NRXN1: variants seen among roughly 807,000 people sequenced by gnomAD.
NRXN1 encodes neurexin-1.
Under a neutral mutation model 150.9 loss-of-function variants are expected in NRXN1, and 39 were observed. The observed-to-expected ratio is 0.26, with a 90% CI of 0.20 to 0.34. The LOEUF is 0.34. NRXN1 is among the 10% of genes least tolerant of loss of function. NRXN1 has a pLI of 1.00. For synonymous variants in NRXN1, 924 were observed against 757.0 expected, an observed-to-expected ratio of 1.22 and a Z score of -3.62; for missense variants, 1,815 against 1,949.9, an observed-to-expected ratio of 0.93 and a Z score of 1.30.
chr2:50,808,636 C>T (rs192858266), intron 5 of NRXN1, among the ~76,000 whole-genome samples: 14 of 152,202 alleles, frequency 9.2e-5, no homozygotes, highest in African/African-American at 3.4e-4. Flanking sequence ...ACAATCTAAG[C>T]ATAGTGTTTT....
intron 17 of NRXN1, among the ~76,000 whole-genome samples, chr2:50,438,203 A>G (rs536238153): frequency 6.6e-6 from 1 of 152,302 alleles, no homozygotes; most frequent in East Asian, 1.9e-4. Flanking sequence ...TAGGATCAAA[A>G]ACTCTTCTCC....
At chr2:50,075,802 A>G (rs2152676354) in intron 19 of NRXN1, among the ~76,000 whole-genome samples, 1 of 151,380 alleles carries the variant, frequency 6.6e-6, no homozygotes, top group South Asian at 2.1e-4. Context: ...CAAAGGAAAA[A>G]AAAAACAGCT....
chr2:50,534,761 TA>T (rs2093210796), intron 10 of NRXN1, among the ~76,000 whole-genome samples: 1 of 152,182 alleles, frequency 6.6e-6, no homozygotes, highest in South Asian at 2.1e-4. Context: ...TCTCTATAAC[TA>T]GGCTCTATTA....
intron 21 of NRXN1, among the ~76,000 whole-genome samples, chr2:50,038,164 A>G (rs1342868382): frequency 1.3e-5 from 2 of 152,214 alleles, no homozygotes; most frequent in Non-Finnish European, 2.9e-5. Flanking sequence ...AAATATACAT[A>G]AAAAATCACA....
At chr2:50,643,193 C>A (rs1684312232) in intron 5 of NRXN1, among the ~76,000 whole-genome samples, 1 of 151,858 alleles carries the variant, frequency 6.6e-6, no homozygotes, top group Non-Finnish European at 1.5e-5. Flanking sequence ...TGTTTAAGAG[C>A]CCTGACTCCA....
intron 5 of NRXN1, among the ~76,000 whole-genome samples, chr2:50,799,507 G>A (rs573361470): frequency 6.6e-6 from 1 of 152,144 alleles, no homozygotes; most frequent in African/African-American, 2.4e-5. Flanking sequence ...CCTAATTACA[G>A]TTGTTCAGCT....
intron 17 of NRXN1, among the ~76,000 whole-genome samples, chr2:50,422,528 C>T (rs1333265540): frequency 2.6e-5 from 4 of 152,130 alleles, no homozygotes; most frequent in Non-Finnish European, 4.4e-5. Context: ...TAATGAACTG[C>T]TTCTCAACTG....
chr2:50,760,257 A>AT (rs1421786478), intron 5 of NRXN1, among the ~76,000 whole-genome samples: 2 of 151,920 alleles, frequency 1.3e-5, no homozygotes, highest in Non-Finnish European at 2.9e-5. Flanking sequence ...TTTCATCAGT[A>AT]TAAGAGTCTA....
At chr2:50,627,357 A>ATGTG (rs34870955) in intron 5 of NRXN1, among the ~76,000 whole-genome samples, 19,662 of 143,406 alleles carry the variant, frequency 0.14, 1,391 homozygotes, top group Non-Finnish European at 0.16. Flanking sequence ...TGGTTCATGT[A>ATGTG]TGTGTGTGTG....
At chr2:50,752,861 T>A (rs1700755268) in intron 5 of NRXN1, among the ~76,000 whole-genome samples, 1 of 151,978 alleles carries the variant, frequency 6.6e-6, no homozygotes, top group Admixed American at 6.6e-5. Flanking sequence ...TTCTCTGCAA[T>A]TTATTTTAAA....
intron 5 of NRXN1, among the ~76,000 whole-genome samples, chr2:50,637,720 A>G (rs1489761405): frequency 1.3e-5 from 2 of 152,196 alleles, no homozygotes; most frequent in African/African-American, 2.4e-5. Context: ...TACTTGTGTT[A>G]GAAGCCAATT....
rs183185563 is a variant in NRXN1, at chr2:50,510,313, C to T, written c.2375-3696G>A. 2.3e-3 allele frequency among the ~76,000 whole-genome samples: 345 copies of T among 151,718 alleles called. 2 individuals carry two copies. The highest frequency in any genetic ancestry group is 3.5e-3 in the South Asian group (17 of 4,810). Reference sequence around the variant, plus strand: ...CCAGCCTGGCCAACAGGGTGAAACCCTCTCTCTACTAAAAATACAAAAAAT... The same window carrying T: ...CCAGCCTGGCCAACAGGGTGAAACCTTCTCTCTACTAAAAATACAAAAAAT... On this transcript the variant is annotated intron_variant, in intron 12 of 22. Transcript: ENST00000401669.
intron 17 of NRXN1, among the ~76,000 whole-genome samples, chr2:50,322,035 A>C (rs1391153345): frequency 2.8e-5 from 1 of 35,168 alleles, no homozygotes; most frequent in Non-Finnish European, 4.6e-5. Flanking sequence ...TTACAACATC[A>C]AAAAAAAAAA....
chr2:50,373,679 A>AAAGAAAGAAAGAAAGAAAGAAAG (rs1553513456), intron 17 of NRXN1, among the ~76,000 whole-genome samples: 13 of 65,668 alleles, frequency 2.0e-4, no homozygotes, highest in African/African-American at 3.6e-4. Flanking sequence ...AGAAAGAAAG[A>AAAGAAAGAAAGAAAGAAAGAAAG]AAAGAAAGAA....
chr2:49,995,110 C>G (rs566585260), intron 21 of NRXN1, among the ~76,000 whole-genome samples: 13 of 152,246 alleles, frequency 8.5e-5, no homozygotes, highest in African/African-American at 2.4e-4. Context: ...GCTAAGGATA[C>G]ACATTTCTCA....
chr2:49,938,863 G>C (rs1258834199), intron 22 of NRXN1, among the ~76,000 whole-genome samples: 1 of 152,066 alleles, frequency 6.6e-6, no homozygotes, highest in African/African-American at 2.4e-5. Flanking sequence ...AACTTCTTCA[G>C]GAGTTTTCAG....
chr2:50,723,365 T>G (rs1394219691), intron 5 of NRXN1, among the ~76,000 whole-genome samples: 1 of 152,206 alleles, frequency 6.6e-6, no homozygotes, highest in Non-Finnish European at 1.5e-5. Context: ...TTCCATTTAA[T>G]TATGGCCAAA....
At chr2:51,003,023 G>C (rs538839972) in intron 2 of NRXN1, among the ~76,000 whole-genome samples, 3 of 151,844 alleles carry the variant, frequency 2.0e-5, no homozygotes, top group African/African-American at 4.8e-5. Flanking sequence ...CCAACTGAAA[G>C]AACTGGTGAA....
chr2:50,204,156 G>A (rs987971235), intron 18 of NRXN1, among the ~76,000 whole-genome samples: 5 of 151,956 alleles, frequency 3.3e-5, no homozygotes. Flanking sequence ...AAAATGCAGA[G>A]GCTATAAAGT....
Sources: gnomAD v4.1 joint callset for allele counts (sites outside exome capture counted in the v4.1 genomes callset) on GRCh38, gnomAD v4.1.1 for gene constraint, MANE v1.5 for transcripts, NCBI Gene and HGNC (gene_info 2026-07-23, HGNC 2026-07-21) for gene names.